Variants in GNPAT observed in about 807,000 individuals in gnomAD.
The protein encoded by GNPAT is dihydroxyacetone phosphate acyltransferase.
A neutral mutation model predicts 78.4 loss-of-function variants in GNPAT; 30 were observed. The ratio of observed to expected loss-of-function variants is 0.38; its 90% confidence interval spans 0.29 to 0.52. GNPAT has a LOEUF of 0.52. Among genes scored for constraint, GNPAT ranks in the 20% least tolerant of loss-of-function variants. The pLI is 0.84. For synonymous variants in GNPAT, 271 were observed against 281.1 expected (o/e 0.96, Z 0.36); for missense variants, 714 against 812.2 (o/e 0.88, Z 1.47).
intron 3 of GNPAT, among the ~76,000 whole-genome samples, chr1:231,262,015 T>C: frequency 6.6e-6 from 1 of 152,180 alleles, no homozygotes; most frequent in Non-Finnish European, 1.5e-5. Context: ...GATCACAGAT[T>C]ACCTGGCCTC....
At chr1:231,275,665 T>C (rs1479602139) in intron 14 of GNPAT, among the ~76,000 whole-genome samples, 167 bp downstream of exon 14, 1 of 152,160 alleles carries the variant, frequency 6.6e-6, no homozygotes, top group Admixed American at 6.5e-5. Context: ...TCCTGAAAAT[T>C]GTATGTGGTT....
intron 8 of GNPAT, among the ~76,000 whole-genome samples, chr1:231,267,355 A>G (rs1685418719): frequency 6.6e-6 from 1 of 152,212 alleles, no homozygotes; most frequent in South Asian, 2.1e-4. Context: ...CTGAAAAGAT[A>G]GTAATTTAGT....
At chr1:231,261,350 G>T (rs1296795947) in intron 3 of GNPAT, among the ~76,000 whole-genome samples, 2 of 149,716 alleles carry the variant, frequency 1.3e-5, no homozygotes, top group African/African-American at 2.5e-5. Flanking sequence ...TTTTTTTAAA[G>T]AACAGGCTAA....
intron 2 of GNPAT, among the ~76,000 whole-genome samples, chr1:231,253,159 C>T (rs957982493): frequency 1.3e-5 from 2 of 152,036 alleles, no homozygotes; most frequent in Non-Finnish European, 2.9e-5. Context: ...TTAGCAGAGA[C>T]GGGGTTTCAC....
intron 1 of GNPAT, among the ~76,000 whole-genome samples, chr1:231,242,074 C>T (rs546203469): frequency 7.7e-4 from 117 of 152,200 alleles, no homozygotes; most frequent in African/African-American, 2.7e-3. Context: ...GTCTTTTTTT[C>T]CTCCAACCCC....
At chr1:231,264,091 TGTA>T (rs1222380301) in intron 4 of GNPAT, among the ~76,000 whole-genome samples, 2 of 152,222 alleles carry the variant, frequency 1.3e-5, no homozygotes, top group Non-Finnish European at 2.9e-5. Flanking sequence ...TTTTAATTGA[TGTA>T]GTCCAATTGA....
At chr1:231,250,195 G>T (rs1237448474) in intron 1 of GNPAT, among the ~76,000 whole-genome samples, 1 of 151,846 alleles carries the variant, frequency 6.6e-6, no homozygotes, top group Non-Finnish European at 1.5e-5. Context: ...AAGTGTGGAG[G>T]ATTGAGATTA....
chr1:231,245,400 C>T (rs1305926594), intron 1 of GNPAT, among the ~76,000 whole-genome samples: 1 of 151,920 alleles, frequency 6.6e-6, no homozygotes, highest in Non-Finnish European at 1.5e-5. Context: ...CATACCACCA[C>T]GCCTGACTGG....
intron 1 of GNPAT, among the ~76,000 whole-genome samples, chr1:231,246,127 T>C (rs1391351452): frequency 6.6e-6 from 1 of 152,216 alleles, no homozygotes; most frequent in Non-Finnish European, 1.5e-5. Context: ...GGAGATCCTG[T>C]ATCCTGTATA....
At chr1:231,254,173 A>G (rs963140025) in intron 2 of GNPAT, among the ~76,000 whole-genome samples, 2 of 152,110 alleles carry the variant, frequency 1.3e-5, no homozygotes, top group African/African-American at 2.4e-5. Context: ...AGTGTTACCA[A>G]TTTAAAAGAT....
chr1:231,270,714 C>G, intron 9 of GNPAT, 44 bp from the exon 10 acceptor site: 1 of 1,607,274 alleles, frequency 6.2e-7, no homozygotes, highest in South Asian at 1.1e-5. Flanking sequence ...CTAAGACTCC[C>G]TGCAGTGACC....
At chr1:231,273,740 T>C (rs529237002) in intron 11 of GNPAT, among the ~76,000 whole-genome samples, 182 bp from the exon 12 acceptor site, 2 of 152,338 alleles carry the variant, frequency 1.3e-5, no homozygotes, top group African/African-American at 2.4e-5. Context: ...GGCTACTATC[T>C]CACAACCAGA....
At position 231,265,352 on chromosome 1, in the gene GNPAT, C is replaced by A. The variant is rs199523352; in HGVS notation, c.628C>A (p.Arg210=). The change falls in exon 5 of 16, where the codon CGG becomes AGG. Residue 210 remains arginine, a synonymous_variant. Transcript: ENST00000366647. ...ACGAATGTCGGGTGCCTTTTTCATGCGGCGTACCTTTGGTGGCAATAAACT... is the reference window on the plus strand; with the variant it reads ...ACGAATGTCGGGTGCCTTTTTCATGAGGCGTACCTTTGGTGGCAATAAACT... ...LLRMSGAFFM[R]RTFGGNKLYW... 34 of 1,609,420 alleles carry A rather than the reference C, an allele frequency of 2.1e-5. No homozygotes were observed. The East Asian group carries it at 5.6e-4, about 26-fold the overall frequency.
chr1:231,251,093 AT>A lies in GNPAT; in HGVS notation c.213del (p.Lys72AsnfsTer32). On this transcript the variant is annotated frameshift_variant, in exon 2 of 16. Transcript: ENST00000366647. LOFTEE classifies it high-confidence loss of function. Reference sequence around the variant, plus strand: ...AATTACTCCATGTAAACCAATTGATATTAAATGTAGTGTTCTCAATTCTGAG... The same window carrying A: ...AATTACTCCATGTAAACCAATTGATATAAATGTAGTGTTCTCAATTCTGAG... ...KGITPCKPID[I>X]KCSVLNSEEI... is the part of the protein sequence containing the mutation. 1 of 1,598,794 alleles carries A rather than the reference AT, an allele frequency of 6.3e-7. No individual in the cohort carries two copies. The highest frequency in any genetic ancestry group is 8.6e-7 in the Non-Finnish European group (1 of 1,166,258).
chr1:231,250,369 G>A (rs979783908), intron 1 of GNPAT, among the ~76,000 whole-genome samples: 5 of 152,130 alleles, frequency 3.3e-5, no homozygotes, highest in African/African-American at 9.6e-5. Context: ...GTTCAAGGCT[G>A]TAGTGAGCTA....
chr1:231,269,263 C>G (rs1255322852), intron 9 of GNPAT, among the ~76,000 whole-genome samples: 2 of 152,126 alleles, frequency 1.3e-5, no homozygotes, highest in Admixed American at 6.5e-5. Context: ...TCAGGAAGAC[C>G]AGGAGAGGAT....
chr1:231,241,714 A>G (rs935167412), intron 1 of GNPAT, among the ~76,000 whole-genome samples: 3 of 152,132 alleles, frequency 2.0e-5, no homozygotes, highest in Non-Finnish European at 2.9e-5. Context: ...TCTTTCTATC[A>G]GGCCCTGGGG....
In GNPAT at chr1:231,265,993, ATTTCTCCCTGTG is replaced by A; in HGVS notation, c.773-17_773-6del. 2 of 1,607,842 alleles carry A rather than the reference ATTTCTCCCTGTG, an allele frequency of 1.2e-6. No individual in the cohort carries two copies. Among genetic ancestry groups the A allele is most frequent in the Non-Finnish European group, 1.7e-6 (2 of 1,175,796 alleles). Reference sequence around the variant, plus strand: ...CTGCTCTTCAATATGTTGATGAAGCATTTCTCCCTGTGTTTTGCAGGTCTTCTGAATATTGTG... The same window carrying A: ...CTGCTCTTCAATATGTTGATGAAGCATTTTGCAGGTCTTCTGAATATTGTG... On this transcript the variant is annotated splice_polypyrimidine_tract_variant and intron_variant, in intron 6 of 15. Coordinates refer to ENST00000366647, the MANE Select transcript of GNPAT (RefSeq NM_014236.4).
intron 4 of GNPAT, among the ~76,000 whole-genome samples, chr1:231,264,463 T>A (rs1202046099): frequency 2.0e-5 from 3 of 152,218 alleles, no homozygotes; most frequent in Admixed American, 2.0e-4. Flanking sequence ...ATATAAGTTG[T>A]TTATCCACTC....
Sources: allele counts gnomAD v4.1 joint callset (sites outside exome capture counted in the v4.1 genomes callset), GRCh38; gene constraint gnomAD v4.1.1; transcripts MANE v1.5; gene names NCBI Gene and HGNC (gene_info 2026-07-23, HGNC 2026-07-21).